PCDH15: variants seen among roughly 807,000 people sequenced by gnomAD.
PCDH15 encodes the protein protocadherin-15.
Under a neutral mutation model 178.5 loss-of-function variants are expected in PCDH15, and 129 were observed. The ratio of observed to expected loss-of-function variants is 0.72; its 90% CI spans 0.63 to 0.84. The LOEUF (loss-of-function observed/expected upper bound fraction) is 0.84, where lower values mean the gene tolerates loss of function less well. Ranked by LOEUF, PCDH15 falls within the 40% of genes least tolerant of loss-of-function variation. The probability of loss-of-function intolerance (pLI) is 0.00; values close to 1 mark genes in which losing one functional copy is unlikely to be tolerated. For missense variants in PCDH15, 2,230 were observed against 2,099.9 expected (o/e 1.06, Z -1.21); for synonymous variants, 800 against 732.0 (o/e 1.09, Z -1.50).
At chr10:55,153,506 T>G (rs181472456) in intron 2 of PCDH15, among the ~76,000 whole-genome samples, 1 of 152,154 alleles carries the variant, frequency 6.6e-6, no homozygotes, top group Admixed American at 6.6e-5. Context: ...GAGAAAATGA[T>G]GGCAGATAAA....
At position 54,518,247 on chromosome 10, in the gene PCDH15, C is replaced by G. The variant is rs185761045; in HGVS notation, c.157+9565G>C. 3.9e-3 allele frequency among the ~76,000 whole-genome samples: 595 copies of G among 152,094 alleles called. 7 individuals are homozygous for G. The highest frequency in any genetic ancestry group is 0.022 in the South Asian group (107 of 4,802). On this transcript the variant is annotated intron_variant, in intron 3 of 37. Transcript: ENST00000644397. ...TGAAGGAAATAGAGACACAAAAAAC[C>G]CTTCAAAAAATTGATGAATCCAAGA...
At chr10:55,002,787 A>T (rs1412855219) in intron 2 of PCDH15, among the ~76,000 whole-genome samples, 1 of 152,230 alleles carries the variant, frequency 6.6e-6, no homozygotes, top group Non-Finnish European at 1.5e-5. Flanking sequence ...CAGGGATAAA[A>T]GTAGTTCAGA....
intron 30 of PCDH15, among the ~76,000 whole-genome samples, chr10:53,830,131 G>A (rs1157006790): frequency 2.0e-5 from 3 of 151,854 alleles, no homozygotes; most frequent in Admixed American, 6.6e-5. Context: ...GTGAAACCCC[G>A]TCTCTACTAA....
intron 1 of PCDH15, among the ~76,000 whole-genome samples, chr10:54,687,172 G>A (rs953358764): frequency 2.6e-5 from 4 of 152,130 alleles, no homozygotes; most frequent in Non-Finnish European, 5.9e-5. Flanking sequence ...TAGTAAGAAT[G>A]TGGAGAAAGT....
At chr10:54,600,590 T>G (rs2092475824) in intron 2 of PCDH15, 1 of 590,686 alleles carries the variant, frequency 1.7e-6, no homozygotes, top group South Asian at 1.4e-5. Flanking sequence ...TCGAAGAGCA[T>G]GAAGAGACCT....
intron 2 of PCDH15, among the ~76,000 whole-genome samples, chr10:54,645,037 T>A (rs1393888386): frequency 6.6e-6 from 1 of 152,206 alleles, no homozygotes; most frequent in African/African-American, 2.4e-5. Context: ...ATACATTATG[T>A]TATCTATAAA....
intron 3 of PCDH15, among the ~76,000 whole-genome samples, chr10:54,510,126 C>T (rs2081518775): frequency 6.6e-6 from 1 of 152,162 alleles, no homozygotes; most frequent in South Asian, 2.1e-4. Flanking sequence ...TGTTCAGTTT[C>T]AAATACACAG....
At position 54,928,295 on chromosome 10, in the gene PCDH15, A is replaced by C. The variant is rs528439612; in HGVS notation, c.-79-30795T>G. On this transcript the variant is annotated intron_variant, in intron 2 of 5. Coordinates refer to the PCDH15 transcript ENST00000458638. ...TCTTCTGACTTTAAAGTTTCTGCTG[A>C]GAGGTCTGCTATTAATTAGTCTGAT... Among the ~76,000 whole-genome samples the C allele has an allele frequency of 1.1e-4, 16 of 152,266 alleles. No homozygotes were observed. In the East Asian group the frequency reaches 2.5e-3, roughly 24 times the overall value.
Position 55,327,111 on chromosome 10 carries a change from G to T in PCDH15, c.-155-160460C>A, listed in dbSNP as rs114931414. Among the ~76,000 whole-genome samples the T allele has an allele frequency of 5.0e-3, 759 of 152,098 alleles. 10 individuals carry two copies. The highest frequency in any genetic ancestry group is 0.017 in the African/African-American group (718 of 41,516). On this transcript the variant is annotated intron_variant, in intron 2 of 5. Transcript: ENST00000613346. ...GGTGAGGCCTTTGAGATATGATTAG[G>T]ATGTAGGACCAGAACCCTCATGAAT...
rs1169621357 is a variant in PCDH15 at position 54,812,963 on chromosome 10, T to G, written c.-29+84487A>C. Among the ~76,000 whole-genome samples the G allele has an allele frequency of 2.0e-5, 3 of 152,188 alleles. No homozygotes were observed. In the East Asian group the frequency reaches 5.8e-4, roughly 29 times the overall value. On this transcript the variant is annotated intron_variant, in intron 3 of 5. Transcript: ENST00000458638. ...TGTTTTGACACTTAAATGTGGATTC[T>G]AACACCTACCTAAAACATTTCACTG...
chr10:54,553,272 A>G (rs1261335744), intron 2 of PCDH15, among the ~76,000 whole-genome samples: 1 of 152,140 alleles, frequency 6.6e-6, no homozygotes, highest in East Asian at 1.9e-4. Context: ...GATGTGTCTT[A>G]AGATCCTTGA....
intron 2 of PCDH15, among the ~76,000 whole-genome samples, chr10:54,549,173 T>C (rs1042020486): frequency 1.4e-4 from 21 of 151,632 alleles, no homozygotes; most frequent in Non-Finnish European, 2.7e-4. Flanking sequence ...ATACTTTATG[T>C]TTTTTATTAT....
chr10:55,289,107 C>T (rs1049917571), intron 1 of PCDH15, among the ~76,000 whole-genome samples: 3 of 152,022 alleles, frequency 2.0e-5, no homozygotes, highest in African/African-American at 7.2e-5. Context: ...TGTTAATCTA[C>T]AGCTGCGTAC....
At chr10:55,067,670 C>T (rs11004723) in intron 2 of PCDH15, among the ~76,000 whole-genome samples, 82,982 of 148,300 alleles carry the variant, frequency 0.56, 23,576 homozygotes, top group East Asian at 0.75. Flanking sequence ...TTCCATGCTG[C>T]TTTCTATGGT....
intron 3 of PCDH15, among the ~76,000 whole-genome samples, chr10:54,865,380 CTT>C (rs988430294): frequency 1.3e-5 from 2 of 152,188 alleles, no homozygotes; most frequent in African/African-American, 4.8e-5. Flanking sequence ...ACGCTCAAGA[CTT>C]TGACCACACA....
At chr10:55,508,686 T>C (rs1033231398) in intron 2 of PCDH15, among the ~76,000 whole-genome samples, 3 of 151,784 alleles carry the variant, frequency 2.0e-5, no homozygotes, top group Non-Finnish European at 4.4e-5. Context: ...GAAAATTGTA[T>C]TGAACTTTTA....
At chr10:54,531,219 A>G (rs554847389) in intron 2 of PCDH15, among the ~76,000 whole-genome samples, 29 of 152,158 alleles carry the variant, frequency 1.9e-4, no homozygotes, top group African/African-American at 6.5e-4. Flanking sequence ...TTAAATCACA[A>G]ATTCATTGTT....
intron 2 of PCDH15, among the ~76,000 whole-genome samples, chr10:54,899,395 TA>T (rs1452853326): frequency 1.3e-5 from 2 of 152,142 alleles, no homozygotes; most frequent in Non-Finnish European, 2.9e-5. Flanking sequence ...AATAAATTTA[TA>T]AAGTTTATAA....
At chr10:54,195,590 C>G (rs1009927858) in intron 11 of PCDH15, 93 bp downstream of exon 11, 3 of 1,090,774 alleles carry the variant, frequency 2.8e-6, no homozygotes, top group East Asian at 2.4e-5. Flanking sequence ...TCTCTCTTCT[C>G]TAGCTTATGT....
Sources: gnomAD v4.1 joint callset for allele counts (sites outside exome capture counted in the v4.1 genomes callset) on GRCh38, gnomAD v4.1.1 for gene constraint, MANE v1.5 for transcripts, NCBI Gene and HGNC (gene_info 2026-07-23, HGNC 2026-07-21) for gene names.